GRK3: variants seen among roughly 807,000 people sequenced by gnomAD.
GRK3 encodes the protein G protein-coupled receptor kinase 3, also known as adrenergic, beta, receptor kinase 2.
In GRK3, 54 loss-of-function variants were observed where a neutral mutation model predicts 95.7. That is an observed-to-expected ratio of 0.56 (90% CI 0.45 to 0.71). GRK3 has a LOEUF of 0.71. Among genes scored for constraint, GRK3 ranks in the 30% least tolerant of loss-of-function variants. The pLI, the probability that GRK3 is intolerant of heterozygous loss-of-function variation, is 0.00. For synonymous variants in GRK3, 281 were observed against 290.8 expected (o/e 0.97, Z 0.34); for missense variants, 649 against 851.2 (o/e 0.76, Z 2.96).
At chr22:25,718,123 C>T (rs1040529936) in intron 18 of GRK3, 122 bp from the exon 19 acceptor site, 18 of 1,072,806 alleles carry the variant, frequency 1.7e-5, no homozygotes, top group Middle Eastern at 3.2e-4. Flanking sequence ...TTCTGTAATG[C>T]GTTCTATTTA....
intron 1 of GRK3, among the ~76,000 whole-genome samples, chr22:25,587,188 G>C (rs1267717267): frequency 6.6e-6 from 1 of 152,172 alleles, no homozygotes; most frequent in Non-Finnish European, 1.5e-5. Flanking sequence ...ACCGTGCCCA[G>C]TGGCCCTTGC....
chr22:25,646,573 C>T (rs1042213693), intron 3 of GRK3, among the ~76,000 whole-genome samples: 1 of 152,092 alleles, frequency 6.6e-6, no homozygotes, highest in Non-Finnish European at 1.5e-5. Context: ...ATGAAACACA[C>T]CTTTGGGTGT....
In GRK3 at chr22:25,667,724, T is replaced by C; in HGVS notation, c.442-15T>C. 6.3e-7 allele frequency: 1 copy of C among 1,593,530 alleles called. No homozygotes were observed. The highest frequency in any genetic ancestry group is 8.6e-7 in the Non-Finnish European group (1 of 1,165,640). On this transcript the variant is annotated splice_polypyrimidine_tract_variant and intron_variant, in intron 5 of 20. Transcript: ENST00000324198. ...CGATTCATTCACCGTGGAATTTCTT[T>C]TCCATCTCTTCCAGCCATACATAGA...
intron 8 of GRK3, among the ~76,000 whole-genome samples, chr22:25,678,208 C>T (rs1206607122): frequency 6.6e-6 from 1 of 151,986 alleles, no homozygotes; most frequent in South Asian, 2.1e-4. Flanking sequence ...TAATCCCAGC[C>T]CTTTGGGAGG....
intron 3 of GRK3, among the ~76,000 whole-genome samples, chr22:25,650,139 C>CA: frequency 6.6e-6 from 1 of 151,998 alleles, no homozygotes; most frequent in South Asian, 2.1e-4. Context: ...TTACAGGTAG[C>CA]ACCCTGTAAT....
chr22:25,727,374 A>G lies in GRK3; in HGVS notation c.*4924A>G, dbSNP rs753339925. ...TACTCCTTGGCTTCCTCAAGTCACA[A>G]TGAACTTTATATTTTCTTTGTCCTT... On this transcript the variant is annotated 3_prime_UTR_variant, in exon 21 of 21. Coordinates refer to ENST00000324198, the MANE Select transcript of GRK3 (RefSeq NM_005160.4). 3 of 152,176 alleles carry G rather than the reference A, an allele frequency of 2.0e-5. No homozygotes were observed. Among genetic ancestry groups the G allele is most frequent in the Non-Finnish European group, 4.4e-5 (3 of 68,034 alleles). 9.4% of individuals were successfully genotyped at this position (152,176 alleles called of 1,614,324 possible).
chr22:25,698,273 AGAAG>A (rs541892462), intron 13 of GRK3, among the ~76,000 whole-genome samples: 13 of 151,478 alleles, frequency 8.6e-5, no homozygotes, highest in Middle Eastern at 6.9e-3. Flanking sequence ...AGGGAGAGAA[AGAAG>A]GAAGGAAGGA....
intron 3 of GRK3, among the ~76,000 whole-genome samples, chr22:25,647,020 CAA>C (rs1025786169): frequency 2.2e-3 from 118 of 54,002 alleles, no homozygotes; most frequent in South Asian, 0.015. Context: ...GACTTTGTCT[CAA>C]AAAAAAAAAA....
chr22:25,663,432 C>T (rs2146403189), intron 4 of GRK3, among the ~76,000 whole-genome samples, 198 bp from the exon 5 acceptor site: 1 of 152,264 alleles, frequency 6.6e-6, no homozygotes, highest in Admixed American at 6.5e-5. Context: ...TATCTAAGAA[C>T]TGGATGCCCA....
In GRK3 at chr22:25,703,565, A is replaced by G; in HGVS notation, c.1216A>G (p.Thr406Ala). The change falls in exon 14 of 21, where the codon ACA becomes GCA. Residue 406 changes from threonine (T) to alanine (A), a missense_variant. By Grantham distance (58) the Thr-to-Ala change is moderately conservative. Around this residue, in one of 3 missense-constraint regions of GRK3, gnomAD observed 382 missense variants for 493.8 expected, o/e 0.77. Coordinates refer to ENST00000324198, the MANE Select transcript of GRK3 (RefSeq NM_005160.4). ...AGACAAGCATGAAATTGACCGAATG[A>G]CACTCACCGTGGTAAGGGGATTCAA... ...TKDKHEIDRM[T>A]LTVNVELPDT... 20 of 1,612,306 alleles carry G rather than the reference A, an allele frequency of 1.2e-5. No individual in the cohort carries two copies. The highest frequency in any genetic ancestry group is 1.7e-5 in the Non-Finnish European group (20 of 1,178,494).
Position 25,710,905 on chromosome 22 carries a change from C to G in GRK3, c.1396-163C>G, listed in dbSNP as rs554582843. On this transcript the variant is annotated intron_variant, in intron 16 of 20. Transcript: ENST00000324198. ...CCTTTGGGGCTATTGAGTGCAGTGG[C>G]TTTTCTACAAAATATGAAATGTGAT... Among the ~76,000 whole-genome samples the G allele has an allele frequency of 8.5e-5, 13 of 152,322 alleles. No individual in the cohort carries two copies. The South Asian group carries it at 2.7e-3, about 32-fold the overall frequency.
chr22:25,679,594 T>A (rs997307956), intron 9 of GRK3, among the ~76,000 whole-genome samples: 2 of 152,206 alleles, frequency 1.3e-5, no homozygotes, highest in African/African-American at 4.8e-5. Flanking sequence ...GATCAAAACC[T>A]CAGCTTTTAT....
rs190127755 is a variant in GRK3, at chr22:25,603,313, C to G, written c.114-1064C>G. On this transcript the variant is annotated intron_variant, in intron 1 of 20. Transcript: ENST00000324198. ...AAGTAATGCTAAATTATTGTTCACT[C>G]CCACCATCAGTGGATAATAGAGATT... is the stretch of plus-strand genomic sequence containing the variant. Among the ~76,000 whole-genome samples the G allele has an allele frequency of 2.0e-5, 3 of 152,242 alleles. No homozygotes were observed. The East Asian group carries it at 5.8e-4, about 29-fold the overall frequency.
chr22:25,595,211 A>G (rs1323058007), intron 1 of GRK3, among the ~76,000 whole-genome samples: 1 of 152,212 alleles, frequency 6.6e-6, no homozygotes, highest in African/African-American at 2.4e-5. Flanking sequence ...AGAAGGAGTC[A>G]AACTGTCTTT....
chr22:25,633,664 C>A (rs1486792962), intron 2 of GRK3, among the ~76,000 whole-genome samples: 1 of 151,858 alleles, frequency 6.6e-6, no homozygotes. Flanking sequence ...ATGAATACAT[C>A]TATTTAATTA....
intron 5 of GRK3, 26 bp downstream of exon 5, chr22:25,663,730 A>G (rs1009162015): frequency 6.6e-7 from 1 of 1,509,414 alleles, no homozygotes; most frequent in Non-Finnish European, 9.2e-7. Context: ...TCCAAAATAA[A>G]TAGATAATAT....
chr22:25,631,947 C>T (rs1248957696), intron 2 of GRK3, among the ~76,000 whole-genome samples: 3 of 152,142 alleles, frequency 2.0e-5, no homozygotes, highest in Admixed American at 6.5e-5. Context: ...ATGGATGCAT[C>T]GCAGTTGGTT....
chr22:25,702,966 A>G, intron 13 of GRK3: 1 of 442,448 alleles, frequency 2.3e-6, no homozygotes, highest in Non-Finnish European at 4.5e-6. Context: ...AAGCGCTCAG[A>G]GCTGTGGAGA....
chr22:25,634,082 C>A (rs1353164344), intron 2 of GRK3, among the ~76,000 whole-genome samples: 1 of 152,086 alleles, frequency 6.6e-6, no homozygotes, highest in African/African-American at 2.4e-5. Flanking sequence ...TTTCACCATT[C>A]AATTCATGAC....
Sources: gnomAD v4.1 joint callset for allele counts (sites outside exome capture counted in the v4.1 genomes callset) on GRCh38, gnomAD v4.1.1 for gene constraint, gnomAD v4.1.1 regional missense constraint, MANE v1.5 for transcripts, NCBI Gene and HGNC (gene_info 2026-07-23, HGNC 2026-07-21) for gene names.